Variants in TACR3 observed in about 807,000 individuals in gnomAD.
TACR3 encodes the protein neuromedin-K receptor.
Under a neutral mutation model 35.0 loss-of-function variants are expected in TACR3, and 34 were observed. That is an observed-to-expected ratio of 0.97 (90% CI 0.74 to 1.30). The LOEUF (loss-of-function observed/expected upper bound fraction) is 1.30. TACR3 is among the 50% of genes most tolerant of loss of function. TACR3 has a pLI of 0.00. For synonymous variants in TACR3, 233 were observed against 221.1 expected (o/e 1.05, Z -0.48); for missense variants, 558 against 591.7 (o/e 0.94, Z 0.59).
chr4:103,619,414 T>A (rs1421583404), intron 3 of TACR3, among the ~76,000 whole-genome samples: 1 of 152,162 alleles, frequency 6.6e-6, no homozygotes, highest in East Asian at 1.9e-4. Context: ...GGTCTTGAAC[T>A]CCTGACCTCA....
intron 3 of TACR3, among the ~76,000 whole-genome samples, chr4:103,603,412 C>T (rs1724260697): frequency 6.6e-6 from 1 of 152,224 alleles, no homozygotes; most frequent in African/African-American, 2.4e-5. Context: ...CTTGCACCTA[C>T]TGTCTGGCAC....
At position 103,675,369 on chromosome 4, in the gene TACR3, C is replaced by G. The variant is rs143978109; in HGVS notation, c.549-16966G>C. ...ACAACAGTGACACTAGACATCTTAT[C>G]TTTCCCCACAAACCTACTATATTGT... is the stretch of plus-strand genomic sequence containing the variant. On this transcript the variant is annotated intron_variant, in intron 1 of 4. Transcript: ENST00000304883. Among the ~76,000 whole-genome samples the G allele has an allele frequency of 3.5e-3, 540 of 152,326 alleles. 1 individual carries two copies. The highest frequency in any genetic ancestry group is 0.02 in the Middle Eastern group (6 of 294).
intron 3 of TACR3, 55 bp from the exon 4 acceptor site, chr4:103,591,738 A>G: frequency 6.7e-7 from 1 of 1,490,372 alleles, no homozygotes; most frequent in South Asian, 1.2e-5. Flanking sequence ...TAGTTCCAAT[A>G]GCTTATTGCA....
At chr4:103,609,143 T>C (rs1724454443) in intron 3 of TACR3, among the ~76,000 whole-genome samples, 1 of 152,252 alleles carries the variant, frequency 6.6e-6, no homozygotes, top group South Asian at 2.1e-4. Flanking sequence ...ATGAATATCA[T>C]AGCACAGGCT....
intron 1 of TACR3, among the ~76,000 whole-genome samples, chr4:103,668,311 T>C (rs1284484911): frequency 6.6e-6 from 1 of 152,170 alleles, no homozygotes; most frequent in Non-Finnish European, 1.5e-5. Context: ...GCAATAGCAT[T>C]ATGTCTAAAA....
intron 1 of TACR3, among the ~76,000 whole-genome samples, chr4:103,697,363 A>G (rs1291373275): frequency 6.6e-6 from 1 of 152,044 alleles, no homozygotes; most frequent in Non-Finnish European, 1.5e-5. Flanking sequence ...AATGTGAGCC[A>G]TGTTGTTGGG....
chr4:103,647,573 GA>G (rs962395673), intron 3 of TACR3, among the ~76,000 whole-genome samples: 3 of 151,754 alleles, frequency 2.0e-5, no homozygotes, highest in Admixed American at 6.6e-5. Flanking sequence ...AATTATCATT[GA>G]AAAAAATGAA....
At chr4:103,600,846 C>G (rs1228744215) in intron 3 of TACR3, among the ~76,000 whole-genome samples, 1 of 152,100 alleles carries the variant, frequency 6.6e-6, no homozygotes, top group African/African-American at 2.4e-5. Context: ...AATTTCTGTT[C>G]TTTTACATTT....
chr4:103,717,005 A>G (rs992160697), intron 1 of TACR3, among the ~76,000 whole-genome samples: 1 of 152,306 alleles, frequency 6.6e-6, no homozygotes, highest in East Asian at 1.9e-4. Flanking sequence ...GATGGAAAAT[A>G]CCACATCATT....
At chr4:103,600,903 G>A (rs1649788435) in intron 3 of TACR3, among the ~76,000 whole-genome samples, 1 of 152,124 alleles carries the variant, frequency 6.6e-6, no homozygotes, top group Non-Finnish European at 1.5e-5. Flanking sequence ...TTTGGAGTAG[G>A]TGTGGTGTGG....
chr4:103,661,536 G>T (rs1280930551), intron 1 of TACR3, among the ~76,000 whole-genome samples: 21 of 152,106 alleles, frequency 1.4e-4, no homozygotes, highest in Non-Finnish European at 2.9e-4. Flanking sequence ...AGAGTAAAGG[G>T]AGAAGTGGAA....
intron 1 of TACR3, among the ~76,000 whole-genome samples, chr4:103,691,916 C>T (rs1278948179): frequency 6.6e-6 from 1 of 152,154 alleles, no homozygotes; most frequent in Non-Finnish European, 1.5e-5. Context: ...ATGCTAATGA[C>T]TGGCTTGCTG....
intron 3 of TACR3, among the ~76,000 whole-genome samples, chr4:103,601,526 G>T (rs1312574194): frequency 6.6e-6 from 1 of 152,126 alleles, no homozygotes; most frequent in Non-Finnish European, 1.5e-5. Flanking sequence ...GCTGGTACTG[G>T]TTGTTCCTTT....
At chr4:103,618,361 A>G (rs2110302022) in intron 3 of TACR3, among the ~76,000 whole-genome samples, 1 of 152,214 alleles carries the variant, frequency 6.6e-6, no homozygotes, top group Middle Eastern at 3.4e-3. Flanking sequence ...TGTTTTTGTC[A>G]GTCTTGACAA....
At chr4:103,709,770 T>C (rs1374076967) in intron 1 of TACR3, among the ~76,000 whole-genome samples, 1 of 151,994 alleles carries the variant, frequency 6.6e-6, no homozygotes, top group Non-Finnish European at 1.5e-5. Context: ...CCATGTCACA[T>C]GCAGAGACAC....
intron 1 of TACR3, among the ~76,000 whole-genome samples, chr4:103,697,226 G>C (rs1014722184): frequency 6.6e-6 from 1 of 152,132 alleles, no homozygotes; most frequent in Admixed American, 6.5e-5. Flanking sequence ...GAATGTGATT[G>C]CTCATTGATT....
At chr4:103,685,543 C>A (rs1722209234) in intron 1 of TACR3, among the ~76,000 whole-genome samples, 1 of 152,068 alleles carries the variant, frequency 6.6e-6, no homozygotes, top group Non-Finnish European at 1.5e-5. Flanking sequence ...CTTTGCTCTG[C>A]ACAATGCCTT....
At chr4:103,642,378 T>G (rs1373453101) in intron 3 of TACR3, among the ~76,000 whole-genome samples, 5 of 151,808 alleles carry the variant, frequency 3.3e-5, no homozygotes, top group Admixed American at 2.6e-4. Flanking sequence ...TGTTGCTTTT[T>G]TAAATTGGCA....
At chr4:103,594,333 A>G (rs111236881) in intron 3 of TACR3, among the ~76,000 whole-genome samples, 2,220 of 152,068 alleles carry the variant, frequency 0.015, 49 homozygotes, top group African/African-American at 0.051. Context: ...GCGTGCCACC[A>G]CGCCTGGCTA....
Sources: gnomAD v4.1 joint callset for allele counts (sites outside exome capture counted in the v4.1 genomes callset) on GRCh38, gnomAD v4.1.1 for gene constraint, MANE v1.5 for transcripts, NCBI Gene and HGNC (gene_info 2026-07-23, HGNC 2026-07-21) for gene names.